The following RNF170 variants were observed in gnomAD, a reference collection of about 807,000 sequenced individuals.
RNF170 encodes E3 ubiquitin-protein ligase RNF170.
A neutral mutation model predicts 32.7 loss-of-function variants in RNF170; 12 were observed. The ratio of observed to expected loss-of-function variants is 0.37; its 90% CI spans 0.24 to 0.60. The LOEUF (loss-of-function observed/expected upper bound fraction) is 0.60. RNF170 is among the 20% of genes least tolerant of loss of function. The pLI is 0.72. For synonymous variants in RNF170, 91 were observed against 103.6 expected, an observed-to-expected ratio of 0.88 and a Z score of 0.74; for missense variants, 212 against 311.2, an observed-to-expected ratio of 0.68 and a Z score of 2.40.
chr8:42,888,043 A>G (rs1051947331), intron 1 of RNF170, among the ~76,000 whole-genome samples, 172 bp from the exon 2 acceptor site: 7 of 152,214 alleles, frequency 4.6e-5, no homozygotes, highest in Non-Finnish European at 7.3e-5. Flanking sequence ...TGCCAGACAC[A>G]TTATTTTGTG....
chr8:42,896,695 C>G (rs1234600641), upstream of RNF170: 1 of 398,688 alleles, frequency 2.5e-6, no homozygotes. Context: ...CAGGGCGGAG[C>G]GCGTGCTCGC....
intron 1 of RNF170, among the ~76,000 whole-genome samples, chr8:42,894,060 C>T (rs972393263): frequency 2.0e-5 from 3 of 152,226 alleles, no homozygotes; most frequent in Non-Finnish European, 4.4e-5. Context: ...AGGAGAGAAT[C>T]TCAGTGTCTT....
At chr8:42,862,864 G>C (rs1002484014) in intron 5 of RNF170, among the ~76,000 whole-genome samples, 1 of 152,216 alleles carries the variant, frequency 6.6e-6, no homozygotes, top group East Asian at 1.9e-4. Flanking sequence ...CTGCTCCAGG[G>C]TGACTACAAC....
In RNF170 at chr8:42,853,368, G is replaced by A. The variant is rs937009825; in HGVS notation, c.*2791C>T. ...GACAAACTCTTTAATCACAAGGTTT[G>A]AACCAAACCACCAGTCTTCTACAAC... is the stretch of plus-strand genomic sequence containing the variant. On this transcript the variant is annotated 3_prime_UTR_variant, in exon 7 of 7. Coordinates refer to ENST00000527424, the MANE Select transcript of RNF170 (RefSeq NM_030954.4). 2 of 1,277,322 alleles carry A rather than the reference G, an allele frequency of 1.6e-6. No individual in the cohort carries two copies. Among genetic ancestry groups the A allele is most frequent in the African/African-American group, 3.0e-5 (2 of 65,628 alleles). 79.1% of individuals were successfully genotyped at this position (1,277,322 alleles called of 1,614,324 possible). A position where few individuals can be genotyped will look rare whatever the true frequency, so the allele number is the denominator to read the frequency against.
At chr8:42,869,852 T>G in intron 4 of RNF170, 152 bp downstream of exon 4, 1 of 694,046 alleles carries the variant, frequency 1.4e-6, no homozygotes. Context: ...TAAGTATACT[T>G]GGTTGACAAG....
rs1321026852 is a variant in RNF170, at chr8:42,853,364, G to A, written c.*2795C>T. ...GCTTGACAAACTCTTTAATCACAAG[G>A]TTTGAACCAAACCACCAGTCTTCTA... On this transcript the variant is annotated 3_prime_UTR_variant, in exon 7 of 7. Transcript: ENST00000527424. 1.5e-4 allele frequency: 192 copies of A among 1,275,136 alleles called. No homozygotes were observed. The highest frequency in any genetic ancestry group is 1.9e-4 in the Non-Finnish European group (191 of 981,642). The allele number at this position is 1,275,136 out of a possible 1,614,324, so 79.0% of individuals were successfully genotyped here. A position where few individuals can be genotyped will look rare whatever the true frequency, so the allele number is the denominator to read the frequency against.
upstream of RNF170, chr8:42,897,212 G>A: frequency 2.4e-6 from 3 of 1,235,490 alleles, no homozygotes; most frequent in Non-Finnish European, 3.0e-6. Context: ...GCGGGCCGGC[G>A]GGAAGACCCC....
chr8:42,879,576 G>T (rs568916894), intron 2 of RNF170, among the ~76,000 whole-genome samples: 1 of 152,112 alleles, frequency 6.6e-6, no homozygotes, highest in Non-Finnish European at 1.5e-5. Context: ...GCATGAACCC[G>T]GGGGGCGGTG....
chr8:42,893,843 G>A lies in RNF170; in HGVS notation c.-8+2641C>T, dbSNP rs765812196. ...TCCCTGGGAAGACAGGATGCAATCT[G>A]GAGCACTGTCACACAGGACATGCCC... On this transcript the variant is annotated intron_variant, in intron 1 of 6. Coordinates refer to ENST00000527424, the MANE Select transcript of RNF170 (RefSeq NM_030954.4). 7.9e-5 allele frequency among the ~76,000 whole-genome samples: 12 copies of A among 152,300 alleles called. 1 individual carries two copies. The highest frequency in any genetic ancestry group is 1.8e-4 in the Non-Finnish European group (12 of 68,034).
chr8:42,872,114 C>T (rs895274341), intron 3 of RNF170, among the ~76,000 whole-genome samples: 45 of 152,158 alleles, frequency 3.0e-4, no homozygotes, highest in African/African-American at 9.2e-4. Context: ...CAGACTACAT[C>T]GCCAGCCTTA....
At chr8:42,896,280 TC>T (rs1181917241) in intron 1 of RNF170, 1 of 348,126 alleles carries the variant, frequency 2.9e-6, no homozygotes, top group East Asian at 9.0e-5. Flanking sequence ...CGTCGGCCCC[TC>T]CACCGTCGCC....
chr8:42,855,116 A>G lies in RNF170; in HGVS notation c.*1043T>C. ...GTTTGCAGCATCGCCCAGGTTCCTAAAACAATCTTCCCTTTACAAATTACT... is the reference window on the plus strand; with the variant it reads ...GTTTGCAGCATCGCCCAGGTTCCTAGAACAATCTTCCCTTTACAAATTACT... On this transcript the variant is annotated 3_prime_UTR_variant, in exon 7 of 7. Transcript: ENST00000527424. The G allele has an allele frequency of 7.8e-7, 1 of 1,287,204 alleles. No homozygotes were observed. The highest frequency in any genetic ancestry group is 1.0e-6 in the Non-Finnish European group (1 of 988,688). The allele number at this position is 1,287,204 out of a possible 1,614,324, so 79.7% of individuals were successfully genotyped here.
chr8:42,851,727 C>T (rs1407960803), downstream of RNF170, among the ~76,000 whole-genome samples: 1 of 133,604 alleles, frequency 7.5e-6, no homozygotes, highest in Non-Finnish European at 1.6e-5. Flanking sequence ...ACAGCCTTCA[C>T]TTCTGGGCCC....
intron 6 of RNF170, among the ~76,000 whole-genome samples, chr8:42,860,843 G>A (rs1803600747): frequency 6.6e-6 from 1 of 151,824 alleles, no homozygotes; most frequent in Non-Finnish European, 1.5e-5. Context: ...TCAGTCTCCC[G>A]AGTAGCTAGG....
intron 2 of RNF170, among the ~76,000 whole-genome samples, chr8:42,875,833 C>T (rs1356459004): frequency 6.6e-6 from 1 of 152,190 alleles, no homozygotes; most frequent in Non-Finnish European, 1.5e-5. Flanking sequence ...CCACGGCCTC[C>T]CAAAGTGTGG....
rs1803030507 is a variant in RNF170 at position 42,853,734 on chromosome 8, T to A, written c.*2425A>T. 1 of 1,287,198 alleles carries A rather than the reference T, an allele frequency of 7.8e-7. No individual in the cohort carries two copies. The highest frequency in any genetic ancestry group is 1.2e-5 in the South Asian group (1 of 80,938). The allele number at this position is 1,287,198 out of a possible 1,614,324, so 79.7% of individuals were successfully genotyped here. The stretch of plus-strand genomic sequence containing the variant: ...GCTTTAAAAACTCTCAGATCCCTTC[T>A]GCATTTATCATCAGAGATCGGTAAA... On this transcript the variant is annotated 3_prime_UTR_variant, in exon 7 of 7. Transcript: ENST00000527424.
At chr8:42,863,443 T>A (rs544170768) in intron 5 of RNF170, among the ~76,000 whole-genome samples, 4 of 151,270 alleles carry the variant, frequency 2.6e-5, no homozygotes, top group South Asian at 4.2e-4. Flanking sequence ...AGCTTCAATT[T>A]AAAAAAAAAA....
intron 2 of RNF170, 136 bp from the exon 3 acceptor site, chr8:42,874,142 A>G: frequency 1.5e-6 from 1 of 666,890 alleles, no homozygotes; most frequent in South Asian, 1.7e-5. Context: ...CACTTCCAGG[A>G]CTGTACGTTT....
At chr8:42,871,856 GC>G (rs1804547718) in intron 3 of RNF170, among the ~76,000 whole-genome samples, 1 of 152,166 alleles carries the variant, frequency 6.6e-6, no homozygotes, top group African/African-American at 2.4e-5. Flanking sequence ...ACTGCACCCA[GC>G]CTTCTCCTTA....
Sources: allele counts gnomAD v4.1 joint callset (sites outside exome capture counted in the v4.1 genomes callset), GRCh38; gene constraint gnomAD v4.1.1; transcripts MANE v1.5; gene names NCBI Gene and HGNC (gene_info 2026-07-23, HGNC 2026-07-21).